Variants in TENM3 observed in about 807,000 individuals in gnomAD.
TENM3 encodes teneurin-3.
A neutral mutation model predicts 255.1 loss-of-function variants in TENM3; 63 were observed. The ratio of observed to expected loss-of-function variants is 0.25; its 90% CI spans 0.20 to 0.30. TENM3 has a LOEUF of 0.30. TENM3 is among the 10% of genes least tolerant of loss of function. The pLI, the probability that TENM3 is intolerant of heterozygous loss-of-function variation, is 1.00. For missense variants in TENM3, 2,929 were observed against 3,461.1 expected, an observed-to-expected ratio of 0.85 and a Z score of 3.86; for synonymous variants, 1,306 against 1,322.3, an observed-to-expected ratio of 0.99 and a Z score of 0.27.
At chr4:181,484,806 T>G in the TENM3 span, among the ~76,000 whole-genome samples, 1 of 152,034 alleles carries the variant, frequency 6.6e-6, no homozygotes, top group Admixed American at 6.6e-5. Context: ...GAGGCGGTAA[T>G]GAAAGTAATT....
intron 3 of TENM3, among the ~76,000 whole-genome samples, chr4:182,463,921 C>T (rs572912907): frequency 1.2e-4 from 18 of 151,896 alleles, no homozygotes; most frequent in African/African-American, 3.4e-4. Flanking sequence ...CGTGCCCAGC[C>T]GTAGTATCAC....
At chr4:182,074,531 G>T in the TENM3 span, among the ~76,000 whole-genome samples, 1 of 152,198 alleles carries the variant, frequency 6.6e-6, no homozygotes. Context: ...GGGAGAAAGA[G>T]TTTTTGTTTG....
intron 1 of TENM3, among the ~76,000 whole-genome samples, chr4:182,315,385 T>C (rs1240610540): frequency 6.6e-6 from 1 of 151,774 alleles, no homozygotes; most frequent in Non-Finnish European, 1.5e-5. Flanking sequence ...AGAGTTATTT[T>C]CATGGGATAT....
At chr4:182,572,680 A>G (rs746716275) in intron 3 of TENM3, among the ~76,000 whole-genome samples, 3 of 152,218 alleles carry the variant, frequency 2.0e-5, no homozygotes, top group Non-Finnish European at 2.9e-5. Flanking sequence ...AAAAAACAAA[A>G]TTGAAGGCAA....
At chr4:181,584,179 T>C in the TENM3 span, among the ~76,000 whole-genome samples, 1 of 152,230 alleles carries the variant, frequency 6.6e-6, no homozygotes, top group South Asian at 2.1e-4. Context: ...AGAGGGGTTC[T>C]AGTATCTCAC....
At chr4:182,481,302 T>C (rs923487155) in intron 3 of TENM3, among the ~76,000 whole-genome samples, 2 of 152,188 alleles carry the variant, frequency 1.3e-5, no homozygotes, top group African/African-American at 4.8e-5. Context: ...TATCTTGAAC[T>C]TTGTGACAAT....
chr4:181,511,759 G>A, the TENM3 span, among the ~76,000 whole-genome samples: 1 of 152,166 alleles, frequency 6.6e-6, no homozygotes, highest in Non-Finnish European at 1.5e-5. Context: ...AGGAGAAGAG[G>A]GTAGTCGGGA....
rs538663663 is a variant in TENM3, at chr4:182,505,685, G to A, written c.512-95239G>A. On this transcript the variant is annotated intron_variant, in intron 3 of 27. Coordinates refer to ENST00000511685, the MANE Select transcript of TENM3 (RefSeq NM_001080477.4). ...AGTAGAGACGGGGTTTCACCATGTTGGCCAGGCTGGTCTCAAACTCTTGGC... is the reference window on the plus strand; with the variant it reads ...AGTAGAGACGGGGTTTCACCATGTTAGCCAGGCTGGTCTCAAACTCTTGGC... 1.6e-4 allele frequency among the ~76,000 whole-genome samples: 24 copies of A among 151,980 alleles called. 1 individual carries two copies.
intron 1 of TENM3, among the ~76,000 whole-genome samples, chr4:182,270,855 A>T (rs1010159555): frequency 3.9e-5 from 6 of 152,102 alleles, no homozygotes; most frequent in African/African-American, 1.4e-4. Flanking sequence ...TCACTTCAAA[A>T]CTGCAGTATC....
In TENM3 at chr4:182,680,756, A is replaced by C; in HGVS notation, c.1834+19A>C. The C allele has an allele frequency of 6.6e-7, 1 of 1,516,012 alleles. No homozygotes were observed. The highest frequency in any genetic ancestry group is 2.3e-5 in the East Asian group (1 of 43,120). 93.9% of individuals were successfully genotyped at this position (1,516,012 alleles called of 1,614,324 possible). ...GAAGAAGGTAAACATGTCAATATTC[A>C]CAGAAGTCTGTTGTTATCTTCATAA... is the stretch of plus-strand genomic sequence containing the variant. On this transcript the variant is annotated intron_variant, in intron 10 of 27. Transcript: ENST00000511685.
chr4:182,259,854 T>C (rs2150154424), intron 1 of TENM3, among the ~76,000 whole-genome samples: 1 of 152,298 alleles, frequency 6.6e-6, no homozygotes, highest in East Asian at 1.9e-4. Context: ...ACACTAGGTC[T>C]TATTTTTTCT....
At chr4:181,813,762 A>G in the TENM3 span, among the ~76,000 whole-genome samples, 1 of 152,210 alleles carries the variant, frequency 6.6e-6, no homozygotes, top group African/African-American at 2.4e-5. Context: ...ATTCGGGGGA[A>G]AAGACAAAGT....
At chr4:181,668,550 C>T in the TENM3 span, among the ~76,000 whole-genome samples, 1 of 152,116 alleles carries the variant, frequency 6.6e-6, no homozygotes, top group Non-Finnish European at 1.5e-5. Context: ...GGCAGCACAA[C>T]TCTTAATATT....
intron 1 of TENM3, among the ~76,000 whole-genome samples, chr4:182,267,715 T>TA (rs55836214): frequency 0.21 from 28,322 of 135,684 alleles, 3,281 homozygotes; most frequent in African/African-American, 0.34. Flanking sequence ...AAAGCCAATT[T>TA]AAAAAAAAAA....
At chr4:182,701,611 A>C (rs1331377858) in intron 12 of TENM3, among the ~76,000 whole-genome samples, 1 of 152,136 alleles carries the variant, frequency 6.6e-6, no homozygotes, top group Non-Finnish European at 1.5e-5. Flanking sequence ...GAAAAAAATC[A>C]CCATGTAGCT....
chr4:182,146,896 A>C (rs1410356719), intron 1 of TENM3, among the ~76,000 whole-genome samples: 1 of 152,118 alleles, frequency 6.6e-6, no homozygotes, highest in Non-Finnish European at 1.5e-5. Flanking sequence ...TTTTCTAGAA[A>C]GATGTTTTAG....
the TENM3 span, among the ~76,000 whole-genome samples, chr4:181,498,881 A>T: frequency 6.6e-6 from 1 of 152,216 alleles, no homozygotes; most frequent in African/African-American, 2.4e-5. Flanking sequence ...GGGTTAGATA[A>T]TAACTTCTAT....
chr4:181,550,642 A>G, the TENM3 span, among the ~76,000 whole-genome samples: 1 of 152,238 alleles, frequency 6.6e-6, no homozygotes, highest in East Asian at 1.9e-4. Flanking sequence ...TATGACCACA[A>G]GGTTGCAGAG....
intron 3 of TENM3, among the ~76,000 whole-genome samples, chr4:182,499,117 A>G (rs529269042): frequency 2.6e-5 from 4 of 152,328 alleles, no homozygotes; most frequent in Admixed American, 2.0e-4. Flanking sequence ...ATGTACTTCA[A>G]CAGTGGTAGG....
Sources: gnomAD v4.1 joint callset for allele counts (sites outside exome capture counted in the v4.1 genomes callset) on GRCh38, gnomAD v4.1.1 for gene constraint, MANE v1.5 for transcripts, NCBI Gene and HGNC (gene_info 2026-07-23, HGNC 2026-07-21) for gene names.